The following ZNF804B variants were observed in gnomAD, a reference collection of about 807,000 sequenced individuals.
The protein encoded by ZNF804B is zinc finger protein 804B, also known as zinc finger 804B.
Under a neutral mutation model 101.4 loss-of-function variants are expected in ZNF804B, and 80 were observed. The ratio of observed to expected loss-of-function variants is 0.79; its 90% CI spans 0.66 to 0.95. The LOEUF (loss-of-function observed/expected upper bound fraction) is 0.95, where lower values mean the gene tolerates loss of function less well. Among genes scored for constraint, ZNF804B ranks in the 40% least tolerant of loss-of-function variants. The probability of loss-of-function intolerance (pLI) is 0.00; values close to 1 mark genes in which losing one functional copy is unlikely to be tolerated. For synonymous variants in ZNF804B, 622 were observed against 558.8 expected (o/e 1.11, Z -1.59); for missense variants, 1,673 against 1,561.9 (o/e 1.07, Z -1.20).
chr7:89,125,562 G>C (rs1790465544), intron 1 of ZNF804B, among the ~76,000 whole-genome samples: 1 of 151,846 alleles, frequency 6.6e-6, no homozygotes, highest in Non-Finnish European at 1.5e-5. Context: ...AAAGAAACCA[G>C]GCTGTGGGTT....
At chr7:89,187,520 C>G (rs1374466342) in intron 1 of ZNF804B, among the ~76,000 whole-genome samples, 1 of 152,070 alleles carries the variant, frequency 6.6e-6, no homozygotes, top group Non-Finnish European at 1.5e-5. Flanking sequence ...TGTCTTTTGG[C>G]ACAAATTATT....
rs752270508 is a variant in ZNF804B at position 89,194,186 on chromosome 7, T to G, written c.109-23969T>G. On this transcript the variant is annotated intron_variant, in intron 1 of 3. Transcript: ENST00000333190. The stretch of plus-strand genomic sequence containing the variant: ...TTTGTTTTTTTCTTGTAAATTTGTT[T>G]GAGTTCATTGTAGATTCTGGATATT... Among the ~76,000 whole-genome samples the G allele has an allele frequency of 9.7e-3, 1,484 of 152,282 alleles. 16 individuals carry two copies. The highest frequency in any genetic ancestry group is 0.01 in the Non-Finnish European group (709 of 68,020).
intron 2 of ZNF804B, among the ~76,000 whole-genome samples, chr7:89,293,500 A>G (rs1362344938): frequency 1.3e-5 from 2 of 152,156 alleles, no homozygotes; most frequent in Non-Finnish European, 2.9e-5. Flanking sequence ...TAATGCAGAA[A>G]TGGGCCAGGC....
intron 1 of ZNF804B, among the ~76,000 whole-genome samples, chr7:88,840,377 G>A (rs1047433633): frequency 5.9e-5 from 9 of 152,060 alleles, no homozygotes; most frequent in African/African-American, 2.2e-4. Flanking sequence ...GGATAAATAT[G>A]TTTTAAATGG....
intron 1 of ZNF804B, among the ~76,000 whole-genome samples, chr7:89,117,527 A>G (rs1790329118): frequency 6.6e-6 from 1 of 152,208 alleles, no homozygotes; most frequent in Admixed American, 6.5e-5. Context: ...GACTATATCC[A>G]ATCACTAATC....
chr7:89,059,657 T>C (rs1288711884), intron 1 of ZNF804B, among the ~76,000 whole-genome samples: 2 of 152,164 alleles, frequency 1.3e-5, no homozygotes, highest in Non-Finnish European at 2.9e-5. Context: ...CACTTTGTTA[T>C]TGTTTTTATT....
At chr7:89,201,197 A>T (rs1459806223) in intron 1 of ZNF804B, among the ~76,000 whole-genome samples, 1 of 152,068 alleles carries the variant, frequency 6.6e-6, no homozygotes, top group African/African-American at 2.4e-5. Context: ...CAGAATAGAG[A>T]TTTGCTGATA....
chr7:88,933,455 A>G (rs563186983), intron 1 of ZNF804B, among the ~76,000 whole-genome samples: 1 of 152,138 alleles, frequency 6.6e-6, no homozygotes, highest in Non-Finnish European at 1.5e-5. Context: ...CAAACAAGAG[A>G]AAGAAACAAA....
chr7:89,217,429 T>G (rs191871022), intron 1 of ZNF804B, among the ~76,000 whole-genome samples: 1 of 152,294 alleles, frequency 6.6e-6, no homozygotes, highest in Admixed American at 6.5e-5. Context: ...AATAGAACCT[T>G]ACTCATAGGG....
chr7:88,836,190 A>G (rs1791212976), intron 1 of ZNF804B, among the ~76,000 whole-genome samples: 1 of 152,068 alleles, frequency 6.6e-6, no homozygotes, highest in Non-Finnish European at 1.5e-5. Context: ...CCAGGTTCCA[A>G]AAAGAAGAAT....
chr7:88,866,649 A>G (rs570124528), intron 1 of ZNF804B, among the ~76,000 whole-genome samples: 1 of 152,320 alleles, frequency 6.6e-6, no homozygotes, highest in Non-Finnish European at 1.5e-5. Flanking sequence ...AGCCAAGTAA[A>G]ATGCACCCAA....
chr7:88,857,107 A>T (rs996894612), intron 1 of ZNF804B, among the ~76,000 whole-genome samples: 2 of 152,132 alleles, frequency 1.3e-5, no homozygotes, highest in African/African-American at 4.8e-5. Flanking sequence ...GACACATTCA[A>T]AGCAGTGCGT....
intron 2 of ZNF804B, among the ~76,000 whole-genome samples, chr7:89,219,882 T>C (rs1788956054): frequency 6.7e-6 from 1 of 149,572 alleles, no homozygotes; most frequent in South Asian, 2.1e-4. Flanking sequence ...GTAGTATATG[T>C]GTGTATATAT....
At chr7:88,895,793 A>G (rs1281149649) in intron 1 of ZNF804B, among the ~76,000 whole-genome samples, 1 of 152,230 alleles carries the variant, frequency 6.6e-6, no homozygotes, top group African/African-American at 2.4e-5. Flanking sequence ...GTTGTGCAAC[A>G]GAATAAACTG....
At chr7:88,801,248 T>C (rs1300041250) in intron 1 of ZNF804B, among the ~76,000 whole-genome samples, 1 of 151,672 alleles carries the variant, frequency 6.6e-6, no homozygotes, top group African/African-American at 2.4e-5. Flanking sequence ...CTCCAGGTGA[T>C]TTTAAATGTA....
In ZNF804B at chr7:88,897,765, G is replaced by A. The variant is rs150456456; in HGVS notation, c.108+137681G>A. ...CCTATACCCTTTCAGCTCTAATACT[G>A]CCAGATTAGTGCAGTGGTCCTGGAG... On this transcript the variant is annotated intron_variant, in intron 1 of 3. Transcript: ENST00000333190. 1.8e-3 allele frequency among the ~76,000 whole-genome samples: 280 copies of A among 152,158 alleles called. 1 individual carries two copies. The highest frequency in any genetic ancestry group is 6.5e-3 in the African/African-American group (271 of 41,510).
intron 1 of ZNF804B, among the ~76,000 whole-genome samples, chr7:88,810,038 A>G (rs1366202730): frequency 6.6e-6 from 1 of 152,226 alleles, no homozygotes; most frequent in Admixed American, 6.5e-5. Flanking sequence ...GCCAACAAGA[A>G]GATGATATTC....
At chr7:89,263,036 G>A (rs1274067249) in intron 2 of ZNF804B, among the ~76,000 whole-genome samples, 1 of 152,284 alleles carries the variant, frequency 6.6e-6, no homozygotes, top group South Asian at 2.1e-4. Context: ...GAGCTGAAAT[G>A]TGGCTTGGAT....
In ZNF804B at chr7:89,169,293, G is replaced by C. The variant is rs573504366; in HGVS notation, c.109-48862G>C. 6.6e-5 allele frequency among the ~76,000 whole-genome samples: 10 copies of C among 152,266 alleles called. No individual in the cohort carries two copies. The South Asian group carries it at 1.9e-3, about 28-fold the overall frequency. Reference sequence around the variant, plus strand: ...ATAGAGTGAAAACAGAGCTCCCATAGGGGACCCAAGGGGGTTGCCACTCGC... The same window carrying C: ...ATAGAGTGAAAACAGAGCTCCCATACGGGACCCAAGGGGGTTGCCACTCGC... On this transcript the variant is annotated intron_variant, in intron 1 of 3. Transcript: ENST00000333190.
Sources: gnomAD v4.1 joint callset for allele counts (sites outside exome capture counted in the v4.1 genomes callset) on GRCh38, gnomAD v4.1.1 for gene constraint, MANE v1.5 for transcripts, NCBI Gene and HGNC (gene_info 2026-07-23, HGNC 2026-07-21) for gene names.